The following GRK5 variants were observed in gnomAD, a reference collection of about 807,000 sequenced individuals.
GRK5 encodes the protein g protein-coupled receptor kinase GRK5.
In GRK5, 40 loss-of-function variants were observed where a neutral mutation model predicts 78.4. The ratio of observed to expected loss-of-function variants is 0.51; its 90% CI spans 0.40 to 0.66. The LOEUF (loss-of-function observed/expected upper bound fraction) is 0.66. Among genes scored for constraint, GRK5 ranks in the 30% least tolerant of loss-of-function variants. The pLI, the probability that GRK5 is intolerant of heterozygous loss-of-function variation, is 0.00. For synonymous variants in GRK5, 289 were observed against 296.8 expected (o/e 0.97, Z 0.27); for missense variants, 598 against 759.9 (o/e 0.79, Z 2.50).
rs746934751 is a variant in GRK5 at position 119,455,091 on chromosome 10, A to T, written c.*24A>T. 3 of 1,542,090 alleles carry T rather than the reference A, an allele frequency of 1.9e-6. No individual in the cohort carries two copies. The Admixed American group carries it at 5.0e-5, about 26-fold the overall frequency. On this transcript the variant is annotated 3_prime_UTR_variant, in exon 16 of 16. Transcript: ENST00000392870. ...AGTTTCGGCTCTGGCCTCCAAGTCC[A>T]CAGTGGAACCAGCCCAGACCCTTCT...
intron 6 of GRK5, among the ~76,000 whole-genome samples, chr10:119,427,230 C>T (rs1303151128): frequency 3.7e-5 from 4 of 107,034 alleles, no homozygotes; most frequent in African/African-American, 7.2e-5. Flanking sequence ...CCTTCATCAA[C>T]ATCACCACCA....
At chr10:119,332,899 A>T (rs1006468763) in intron 2 of GRK5, among the ~76,000 whole-genome samples, 1 of 152,194 alleles carries the variant, frequency 6.6e-6, no homozygotes, top group Non-Finnish European at 1.5e-5. Context: ...CTAAAAAGGA[A>T]CCATACCCTC....
intron 1 of GRK5, among the ~76,000 whole-genome samples, chr10:119,296,767 A>G (rs968105340): frequency 7.2e-5 from 11 of 152,214 alleles, no homozygotes; most frequent in Non-Finnish European, 1.6e-4. Context: ...GGTTGTATAT[A>G]TAATCTTTAT....
At chr10:119,322,056 C>G (rs1564890430) in intron 1 of GRK5, among the ~76,000 whole-genome samples, 1 of 152,220 alleles carries the variant, frequency 6.6e-6, no homozygotes, top group East Asian at 1.9e-4. Context: ...TCATAGCTCA[C>G]TGCAGCCTTG....
At chr10:119,273,592 G>C (rs1482264007) in intron 1 of GRK5, among the ~76,000 whole-genome samples, 1 of 152,188 alleles carries the variant, frequency 6.6e-6, no homozygotes, top group East Asian at 1.9e-4. Flanking sequence ...TGGATGGGCC[G>C]CGGCTTTGAC....
intron 2 of GRK5, among the ~76,000 whole-genome samples, chr10:119,366,628 T>A (rs1375904604): frequency 6.6e-6 from 1 of 152,196 alleles, no homozygotes; most frequent in Non-Finnish European, 1.5e-5. Flanking sequence ...GCCCCAAAGC[T>A]GCCACAGCTT....
intron 8 of GRK5, among the ~76,000 whole-genome samples, chr10:119,432,533 A>G (rs762780137): frequency 2.0e-5 from 3 of 152,230 alleles, no homozygotes; most frequent in Non-Finnish European, 4.4e-5. Context: ...AATAAAACGA[A>G]AAGCTTCCCT....
intron 13 of GRK5, among the ~76,000 whole-genome samples, chr10:119,451,200 CA>C (rs1210787940): frequency 5.0e-4 from 75 of 151,298 alleles, no homozygotes; most frequent in African/African-American, 1.7e-3. Context: ...ATTCCTAAAC[CA>C]CGAGCACTGT....
In GRK5 at chr10:119,457,876, T is replaced by TGG. The variant is rs11377609; in HGVS notation, c.*2818_*2819dup. The TGG allele has an allele frequency of 0.032, 4,564 of 142,592 alleles. 109 individuals are homozygous for TGG. Among genetic ancestry groups the TGG allele is most frequent in the African/African-American group, 0.034 (1,303 of 38,798 alleles). 8.8% of individuals were successfully genotyped at this position (142,592 alleles called of 1,614,324 possible). On this transcript the variant is annotated 3_prime_UTR_variant, in exon 16 of 16. Coordinates refer to ENST00000392870, the MANE Select transcript of GRK5 (RefSeq NM_005308.3). ...TAATTTTTAAAATTTTTTGTAGAGA[T>TGG]GGGGGGGGGGTCTCCCCATGTTGCC...
chr10:119,263,255 C>T (rs975827543), intron 1 of GRK5, among the ~76,000 whole-genome samples: 2 of 152,156 alleles, frequency 1.3e-5, no homozygotes, highest in Admixed American at 1.3e-4. Context: ...GATCTGCCTG[C>T]CTTAGCCTCC....
At chr10:119,250,516 A>AT (rs1222581576) in intron 1 of GRK5, among the ~76,000 whole-genome samples, 124 of 90,366 alleles carry the variant, frequency 1.4e-3, no homozygotes, top group South Asian at 7.6e-3. Flanking sequence ...GCCTCATTTA[A>AT]ATTTTTTTTT....
chr10:119,283,167 G>GT (rs949667234), intron 1 of GRK5, among the ~76,000 whole-genome samples: 91 of 149,294 alleles, frequency 6.1e-4, no homozygotes, highest in African/African-American at 1.3e-3. Context: ...TCAGGATGGT[G>GT]TTTTTTTTTT....
intron 4 of GRK5, among the ~76,000 whole-genome samples, chr10:119,406,263 G>A (rs189711773): frequency 2.0e-5 from 3 of 152,302 alleles, no homozygotes; most frequent in Admixed American, 6.5e-5. Flanking sequence ...GCTATGATGC[G>A]TTATGGAAAT....
chr10:119,386,513 C>G (rs1468852076), intron 3 of GRK5, among the ~76,000 whole-genome samples: 1 of 152,190 alleles, frequency 6.6e-6, no homozygotes, highest in Non-Finnish European at 1.5e-5. Flanking sequence ...CGTTCCCTCT[C>G]TCTGGGCCTG....
chr10:119,290,042 C>T (rs1032000948), intron 1 of GRK5, among the ~76,000 whole-genome samples: 3 of 152,156 alleles, frequency 2.0e-5, no homozygotes, highest in African/African-American at 7.2e-5. Flanking sequence ...TGCTGAACAG[C>T]TCCTGGAAGA....
chr10:119,279,771 T>A (rs1329615906), intron 1 of GRK5, among the ~76,000 whole-genome samples: 2 of 152,354 alleles, frequency 1.3e-5, no homozygotes, highest in Middle Eastern at 3.4e-3. Context: ...GGTGTTCTAG[T>A]GAGTGCTCTC....
In GRK5 at chr10:119,387,943, A is replaced by G. The variant is rs112733822; in HGVS notation, c.261+7016A>G. Among the ~76,000 whole-genome samples, 877 of 103,082 alleles carry G rather than the reference A, an allele frequency of 8.5e-3. 4 individuals are homozygous for G. Among genetic ancestry groups the G allele is most frequent in the South Asian group, 0.031 (97 of 3,154 alleles). The allele number at this position is 103,082 out of a possible 152,430, so 67.6% of individuals were successfully genotyped here. ...TTTCTGGTTAAATGAAAGATTAAAA[A>G]AATAAAGAAGATTTTTTTTTTCTAG... is the stretch of plus-strand genomic sequence containing the variant. On this transcript the variant is annotated intron_variant, in intron 3 of 15. Transcript: ENST00000392870.
intron 1 of GRK5, among the ~76,000 whole-genome samples, chr10:119,259,065 C>G (rs796797343): frequency 7.7e-6 from 1 of 130,196 alleles, no homozygotes. Flanking sequence ...CTTTCTTTTT[C>G]TTTTTTTTTT....
rs1325022043 is a variant in GRK5 at position 119,412,014 on chromosome 10, C to T, written c.340-11152C>T. ...TATAGGCATACACCACCACGCCTGG[C>T]TAATTTTTGTATTTTTAGTAGAGAC... On this transcript the variant is annotated intron_variant, in intron 4 of 15. Coordinates refer to ENST00000392870, the MANE Select transcript of GRK5 (RefSeq NM_005308.3). The surrounding 1 kb of genome is among the most constrained non-coding windows in gnomAD (Gnocchi z 4.3). 6.6e-6 allele frequency among the ~76,000 whole-genome samples: 1 copy of T among 151,960 alleles called. No individual in the cohort carries two copies. Among genetic ancestry groups the T allele is most frequent in the African/African-American group, 2.4e-5 (1 of 41,384 alleles).
Sources: gnomAD v4.1 joint callset for allele counts (sites outside exome capture counted in the v4.1 genomes callset) on GRCh38, gnomAD v4.1.1 for gene constraint, Gnocchi (gnomAD v3.1) non-coding constraint, MANE v1.5 for transcripts, NCBI Gene and HGNC (gene_info 2026-07-23, HGNC 2026-07-21) for gene names.